Variants in TRPM3 observed in about 807,000 individuals in gnomAD.
TRPM3 encodes long transient receptor potential channel 3.
TRPM3 carries 77 observed loss-of-function variants against 181.2 expected under a neutral mutation model. The observed-to-expected ratio is 0.42, with a 90% confidence interval of 0.35 to 0.51. TRPM3 has a LOEUF of 0.51. Ranked by LOEUF, TRPM3 falls within the 20% of genes least tolerant of loss-of-function variation. The pLI is 0.01. For missense variants in TRPM3, 1,759 were observed against 2,196.7 expected, an observed-to-expected ratio of 0.80 and a Z score of 3.98; for synonymous variants, 745 against 796.4, an observed-to-expected ratio of 0.94 and a Z score of 1.09.
chr9:71,288,152 T>C (rs1261205480), intron 1 of TRPM3, among the ~76,000 whole-genome samples: 1 of 151,758 alleles, frequency 6.6e-6, no homozygotes. Context: ...TTCCTTGCTC[T>C]AAACCCCGAT....
chr9:70,633,913 C>T (rs566025215), intron 12 of TRPM3, among the ~76,000 whole-genome samples: 3 of 152,132 alleles, frequency 2.0e-5, no homozygotes, highest in East Asian at 1.9e-4. Context: ...AGGTAAGGGG[C>T]GGGGGCAGTG....
At chr9:71,366,785 C>T (rs867070894) in intron 1 of TRPM3, among the ~76,000 whole-genome samples, 1 of 152,012 alleles carries the variant, frequency 6.6e-6, no homozygotes, top group East Asian at 1.9e-4. Flanking sequence ...TTACTATTTA[C>T]TCATTACTAT....
intron 8 of TRPM3, among the ~76,000 whole-genome samples, chr9:70,683,620 G>A (rs2066047878): frequency 1.3e-5 from 2 of 151,720 alleles, no homozygotes; most frequent in East Asian, 3.9e-4. Flanking sequence ...GCTGTATTTG[G>A]ATCATAGGTT....
chr9:70,884,382 T>C (rs1403570467), intron 1 of TRPM3, among the ~76,000 whole-genome samples: 2 of 152,218 alleles, frequency 1.3e-5, no homozygotes, highest in Non-Finnish European at 2.9e-5. Context: ...AATGTCTGAT[T>C]TCACTTTGGG....
chr9:70,627,217 A>G (rs2226001), intron 12 of TRPM3, among the ~76,000 whole-genome samples: 85,768 of 149,652 alleles, frequency 0.57, 24,988 homozygotes, highest in East Asian at 0.73. Flanking sequence ...GAGAACAAAT[A>G]GATAGTAATT....
intron 1 of TRPM3, among the ~76,000 whole-genome samples, chr9:71,237,250 A>G (rs988880197): frequency 1.3e-5 from 2 of 152,210 alleles, no homozygotes; most frequent in African/African-American, 4.8e-5. Flanking sequence ...CAGAGACTTA[A>G]TATGATAATC....
At chr9:70,580,962 C>T (rs980660536) in intron 22 of TRPM3, among the ~76,000 whole-genome samples, 1 of 152,188 alleles carries the variant, frequency 6.6e-6, no homozygotes, top group African/African-American at 2.4e-5. Context: ...CTTTTTAACT[C>T]CCATCTCGTG....
At chr9:71,231,134 T>A (rs1395491869) in intron 1 of TRPM3, among the ~76,000 whole-genome samples, 1 of 152,178 alleles carries the variant, frequency 6.6e-6, no homozygotes, top group Non-Finnish European at 1.5e-5. Context: ...GATAGTCATA[T>A]CCTAATCCCC....
chr9:70,549,419 A>G, intron 25 of TRPM3, 123 bp downstream of exon 25: 3 of 1,294,264 alleles, frequency 2.3e-6, no homozygotes, highest in Non-Finnish European at 3.2e-6. Context: ...AAGCTCCATG[A>G]TTTCTCAGAC....
At chr9:71,162,143 T>C (rs2076300747) in intron 1 of TRPM3, among the ~76,000 whole-genome samples, 2 of 127,916 alleles carry the variant, frequency 1.6e-5, no homozygotes, top group Admixed American at 1.0e-4. Context: ...GAGGTTGCAG[T>C]GAGGTAAGAT....
intron 1 of TRPM3, among the ~76,000 whole-genome samples, chr9:71,411,151 G>C (rs1399119926): frequency 2.0e-5 from 3 of 152,180 alleles, no homozygotes; most frequent in African/African-American, 7.2e-5. Flanking sequence ...ATATCATACT[G>C]AATGGGCAAA....
At chr9:70,559,822 A>G (rs1347984016) in intron 22 of TRPM3, among the ~76,000 whole-genome samples, 1 of 152,152 alleles carries the variant, frequency 6.6e-6, no homozygotes, top group Non-Finnish European at 1.5e-5. Flanking sequence ...TTGCCCAGGA[A>G]CCAAAAAGGG....
chr9:70,848,606 A>G (rs2095083067), intron 3 of TRPM3, among the ~76,000 whole-genome samples: 1 of 152,202 alleles, frequency 6.6e-6, no homozygotes, highest in African/African-American at 2.4e-5. Context: ...ATCATGTACA[A>G]AGAATAGTCA....
chr9:70,813,018 G>A (rs2092289712), intron 6 of TRPM3, among the ~76,000 whole-genome samples: 1 of 152,210 alleles, frequency 6.6e-6, no homozygotes, highest in Non-Finnish European at 1.5e-5. Flanking sequence ...GCAAAGAAGA[G>A]CAGACAAGGA....
chr9:71,109,297 G>GTT (rs201781457), intron 1 of TRPM3, among the ~76,000 whole-genome samples: 1 of 144,138 alleles, frequency 6.9e-6, no homozygotes, highest in East Asian at 2.0e-4. Flanking sequence ...CTTCTGGTTT[G>GTT]TTTTTTTTTT....
intron 22 of TRPM3, 24 bp downstream of exon 22, chr9:70,591,007 T>C (rs1466463092): frequency 6.2e-7 from 1 of 1,614,152 alleles, no homozygotes; most frequent in South Asian, 1.1e-5. Context: ...GACTTTGGTG[T>C]ATGAGAATCA....
intron 9 of TRPM3, among the ~76,000 whole-genome samples, chr9:70,666,709 C>T (rs1374341047): frequency 1.3e-5 from 2 of 152,130 alleles, no homozygotes; most frequent in Non-Finnish European, 2.9e-5. Flanking sequence ...CTGTGTTCCT[C>T]TATATTATGA....
At chr9:70,994,651 C>T (rs999539637) in intron 1 of TRPM3, among the ~76,000 whole-genome samples, 8 of 152,076 alleles carry the variant, frequency 5.3e-5, no homozygotes, top group Admixed American at 6.6e-5. Context: ...TTTCTGCCTC[C>T]AGACCATCTT....
intron 1 of TRPM3, among the ~76,000 whole-genome samples, chr9:71,243,955 C>T (rs2081882122): frequency 6.6e-6 from 1 of 152,068 alleles, no homozygotes; most frequent in Admixed American, 6.6e-5. Context: ...TCTCTTTGTC[C>T]CACACTGCAG....
Sources: allele counts gnomAD v4.1 joint callset (sites outside exome capture counted in the v4.1 genomes callset), GRCh38; gene constraint gnomAD v4.1.1; transcripts MANE v1.5; gene names NCBI Gene and HGNC (gene_info 2026-07-23, HGNC 2026-07-21).